Variants in SYT2 observed in about 807,000 individuals in gnomAD.
SYT2 encodes synaptotagmin-2.
A neutral mutation model predicts 39.9 loss-of-function variants in SYT2; 15 were observed. The ratio of observed to expected loss-of-function variants is 0.38; its 90% CI spans 0.25 to 0.58. The LOEUF (loss-of-function observed/expected upper bound fraction) is 0.58, where lower values mean the gene tolerates loss of function less well. Ranked by LOEUF, SYT2 falls within the 20% of genes least tolerant of loss-of-function variation. SYT2 has a pLI of 0.70. For synonymous variants in SYT2, 181 were observed against 204.5 expected (o/e 0.89, Z 0.98); for missense variants, 389 against 530.3 (o/e 0.73, Z 2.62).
chr1:202,609,126 T>A (rs1357611503), intron 1 of SYT2, among the ~76,000 whole-genome samples: 1 of 146,626 alleles, frequency 6.8e-6, no homozygotes, highest in African/African-American at 2.5e-5. Context: ...GAACATGCGG[T>A]GTTTGGTTTT....
In SYT2 at chr1:202,594,615, C is replaced by G. The variant is rs1478466418; in HGVS notation, c.*2142G>C. 6.6e-6 allele frequency: 1 copy of G among 151,772 alleles called. No individual in the cohort carries two copies. Among genetic ancestry groups the G allele is most frequent in the Non-Finnish European group, 1.5e-5 (1 of 67,996 alleles). 9.4% of individuals were successfully genotyped at this position (151,772 alleles called of 1,614,324 possible). A position where few individuals can be genotyped will look rare whatever the true frequency, so the allele number is the denominator to read the frequency against. On this transcript the variant is annotated 3_prime_UTR_variant, in exon 9 of 9. Coordinates refer to ENST00000367268, the MANE Select transcript of SYT2 (RefSeq NM_177402.5). ...CAGATTCTGAAAACACCCTATTGTCCTACAACTCTCTACCATGACCACACC... is the reference window on the plus strand; with the variant it reads ...CAGATTCTGAAAACACCCTATTGTCGTACAACTCTCTACCATGACCACACC...
chr1:202,643,431 C>T (rs990579109), intron 1 of SYT2: 1 of 152,604 alleles, frequency 6.6e-6, no homozygotes, highest in African/African-American at 2.4e-5. Flanking sequence ...CTCGCTCGCT[C>T]TCGAGTCTCT....
At chr1:202,630,576 G>A (rs758634189) in intron 1 of SYT2, 15 of 161,238 alleles carry the variant, frequency 9.3e-5, no homozygotes, top group Non-Finnish European at 1.6e-4. Flanking sequence ...ACAAACCACA[G>A]ACCATGATGG....
rs60259163 is a variant in SYT2 at position 202,596,308 on chromosome 1, TACACACACACAC to T, written c.*437_*448del. 2 of 87,940 alleles carry T rather than the reference TACACACACACAC, an allele frequency of 2.3e-5. No homozygotes were observed. The highest frequency in any genetic ancestry group is 6.8e-5 in the African/African-American group (2 of 29,608). 5.4% of individuals were successfully genotyped at this position (87,940 alleles called of 1,614,324 possible). A position where few individuals can be genotyped will look rare whatever the true frequency, so the allele number is the denominator to read the frequency against. On this transcript the variant is annotated 3_prime_UTR_variant, in exon 9 of 9. Transcript: ENST00000367268. ...ACACACACACACACACACACACACA[TACACACACACAC>T]ACACACACACACACACGATCATTGG...
chr1:202,597,115 G>T, intron 8 of SYT2, 152 bp from the exon 9 acceptor site: 1 of 672,228 alleles, frequency 1.5e-6, no homozygotes. Context: ...AGACTGAATT[G>T]ACATGGAGGC....
chr1:202,688,651 A>G (rs1653735444), intron 1 of SYT2, among the ~76,000 whole-genome samples: 1 of 152,220 alleles, frequency 6.6e-6, no homozygotes, highest in Non-Finnish European at 1.5e-5. Context: ...TTGAAGAGAG[A>G]GATCTGCAGC....
intron 1 of SYT2, among the ~76,000 whole-genome samples, chr1:202,689,201 G>A (rs528613023): frequency 3.3e-4 from 50 of 152,294 alleles, no homozygotes; most frequent in Admixed American, 1.0e-3. Context: ...CTAAGGAAGG[G>A]AAGGAGATTA....
At chr1:202,611,196 A>G (rs1039963886) in intron 1 of SYT2, among the ~76,000 whole-genome samples, 10 of 152,220 alleles carry the variant, frequency 6.6e-5, no homozygotes, top group Non-Finnish European at 1.5e-4. Context: ...AGAAATATCT[A>G]TTCAAATCCT....
chr1:202,660,912 C>T (rs929297444), intron 1 of SYT2, among the ~76,000 whole-genome samples: 6 of 152,176 alleles, frequency 3.9e-5, no homozygotes, highest in Admixed American at 3.9e-4. Flanking sequence ...CCCCAGCCTT[C>T]CTTCTATCCG....
chr1:202,648,171 T>C (rs967968714), intron 1 of SYT2, among the ~76,000 whole-genome samples: 5 of 152,260 alleles, frequency 3.3e-5, no homozygotes, highest in Admixed American at 2.0e-4. Flanking sequence ...GCACAGTAAA[T>C]GTTAGCTGTT....
chr1:202,693,637 T>G (rs541162872), intron 1 of SYT2, among the ~76,000 whole-genome samples: 1 of 152,294 alleles, frequency 6.6e-6, no homozygotes, highest in African/African-American at 2.4e-5. Flanking sequence ...GGAATAAAGA[T>G]CTTTCAAGGT....
chr1:202,686,962 T>C (rs571214457), intron 1 of SYT2, among the ~76,000 whole-genome samples: 1 of 152,114 alleles, frequency 6.6e-6, no homozygotes, highest in African/African-American at 2.4e-5. Flanking sequence ...TCTGATTCCC[T>C]TGGGCGGACC....
At chr1:202,670,688 G>A (rs1451862100) in intron 1 of SYT2, among the ~76,000 whole-genome samples, 3 of 152,348 alleles carry the variant, frequency 2.0e-5, no homozygotes, top group South Asian at 2.1e-4. Context: ...ATGGGTGGGC[G>A]AGATGGGTGA....
At chr1:202,662,575 G>A (rs1050977080) in intron 1 of SYT2, among the ~76,000 whole-genome samples, 5 of 152,210 alleles carry the variant, frequency 3.3e-5, no homozygotes, top group African/African-American at 4.8e-5. Context: ...CGGATGGAGC[G>A]GGGTGGGTGG....
At chr1:202,691,818 T>C (rs1216957597) in intron 1 of SYT2, among the ~76,000 whole-genome samples, 2 of 135,862 alleles carry the variant, frequency 1.5e-5, no homozygotes, top group African/African-American at 2.8e-5. Flanking sequence ...AGCTGGAGAA[T>C]AGAGGAGAGT....
chr1:202,685,196 C>T (rs1037834621), intron 1 of SYT2, among the ~76,000 whole-genome samples: 5 of 152,180 alleles, frequency 3.3e-5, no homozygotes, highest in African/African-American at 1.2e-4. Context: ...AGAGCCATTT[C>T]CCACTCACCT....
chr1:202,699,970 C>T (rs564890960), intron 1 of SYT2, among the ~76,000 whole-genome samples: 24 of 152,240 alleles, frequency 1.6e-4, no homozygotes, highest in African/African-American at 5.5e-4. Context: ...CTTTGGGAAG[C>T]CTCAAACCCC....
chr1:202,659,002 A>T (rs1362856042), intron 1 of SYT2, among the ~76,000 whole-genome samples: 1 of 152,196 alleles, frequency 6.6e-6, no homozygotes, highest in East Asian at 1.9e-4. Flanking sequence ...CTTCACATAG[A>T]GGCAGAGGCC....
Position 202,649,940 on chromosome 1 carries a change from G to C in SYT2, c.-17-44151C>G, listed in dbSNP as rs533729136. Reference sequence around the variant, plus strand: ...CCGCACAGCCAACTTCAGTCTCCCAGGCTGCTGTCAATCCAGCTCCAGTCT... The same window carrying C: ...CCGCACAGCCAACTTCAGTCTCCCACGCTGCTGTCAATCCAGCTCCAGTCT... On this transcript the variant is annotated intron_variant, in intron 1 of 8. Transcript: ENST00000367268. Among the ~76,000 whole-genome samples, 204 of 152,328 alleles carry C rather than the reference G, an allele frequency of 1.3e-3. 2 individuals carry two copies. Among genetic ancestry groups the C allele is most frequent in the Non-Finnish European group, 1.2e-4 (8 of 68,036 alleles).
Sources: allele counts gnomAD v4.1 joint callset (sites outside exome capture counted in the v4.1 genomes callset), GRCh38; gene constraint gnomAD v4.1.1; transcripts MANE v1.5; gene names NCBI Gene and HGNC (gene_info 2026-07-23, HGNC 2026-07-21).